The following PRICKLE1 variants were observed in gnomAD, a reference collection of about 807,000 sequenced individuals.
PRICKLE1 encodes prickle-like protein 1.
PRICKLE1 carries 14 observed loss-of-function variants against 70.2 expected under a neutral mutation model. The ratio of observed to expected loss-of-function variants is 0.20; its 90% CI spans 0.13 to 0.31. The LOEUF (loss-of-function observed/expected upper bound fraction) is 0.31, where lower values mean the gene tolerates loss of function less well. PRICKLE1 is among the 10% of genes least tolerant of loss of function. The pLI is 1.00. For synonymous variants in PRICKLE1, 357 were observed against 379.9 expected (o/e 0.94, Z 0.70); for missense variants, 821 against 1,026.2 (o/e 0.80, Z 2.73).
intron 2 of PRICKLE1, among the ~76,000 whole-genome samples, 167 bp from the exon 3 acceptor site, chr12:42,470,526 A>G (rs1938278936): frequency 6.6e-6 from 1 of 152,214 alleles, no homozygotes; most frequent in Non-Finnish European, 1.5e-5. Context: ...GATAACTAGC[A>G]CCCAGCTGCT....
intron 1 of PRICKLE1, chr12:42,484,311 T>C (rs1032499538): frequency 2.6e-5 from 4 of 151,954 alleles, no homozygotes; most frequent in African/African-American, 9.7e-5. Context: ...GCCCAGTGAG[T>C]GAAGCCGCTA....
chr12:42,486,872 G>A (rs1038858461), intron 1 of PRICKLE1, among the ~76,000 whole-genome samples: 2 of 152,200 alleles, frequency 1.3e-5, no homozygotes, highest in Admixed American at 1.3e-4. Context: ...TAATAGAAAT[G>A]AGAGATCAAA....
At chr12:42,507,819 C>T (rs146436516) in intron 1 of PRICKLE1, among the ~76,000 whole-genome samples, 22 of 152,328 alleles carry the variant, frequency 1.4e-4, no homozygotes, top group African/African-American at 4.8e-4. Context: ...ATAAGCTTAT[C>T]TCCAGCTTCA....
At chr12:42,535,188 T>G (rs1939996522) in intron 1 of PRICKLE1, among the ~76,000 whole-genome samples, 1 of 152,080 alleles carries the variant, frequency 6.6e-6, no homozygotes, top group Non-Finnish European at 1.5e-5. Flanking sequence ...AGATACAAAC[T>G]TACAGCTGCT....
At chr12:42,584,519 T>A (rs1940954798) in intron 1 of PRICKLE1, 1 of 152,052 alleles carries the variant, frequency 6.6e-6, no homozygotes, top group African/African-American at 2.4e-5. Context: ...CATTAAGTGG[T>A]GGCTACTTTA....
Position 42,459,317 on chromosome 12 carries a change from G to T in PRICKLE1, c.*492C>A. The T allele has an allele frequency of 1.4e-6, 1 of 702,078 alleles. No individual in the cohort carries two copies. The highest frequency in any genetic ancestry group is 2.6e-6 in the Non-Finnish European group (1 of 384,904). 43.5% of individuals were successfully genotyped at this position (702,078 alleles called of 1,614,324 possible). On this transcript the variant is annotated 3_prime_UTR_variant, in exon 8 of 8. Transcript: ENST00000345127. ...ATACAATGTTTACCTGGCCAAAGAGGGTTCGAGGGGACAAGCTGGCCTCAC... is the reference window on the plus strand; with the variant it reads ...ATACAATGTTTACCTGGCCAAAGAGTGTTCGAGGGGACAAGCTGGCCTCAC...
intron 4 of PRICKLE1, 32 bp from the exon 5 acceptor site, chr12:42,468,861 T>A: frequency 6.3e-7 from 1 of 1,599,482 alleles, no homozygotes; most frequent in African/African-American, 1.3e-5. Context: ...TGTAAAAGGA[T>A]CATTTTTTAA....
intron 1 of PRICKLE1, among the ~76,000 whole-genome samples, chr12:42,567,553 T>G (rs769087906): frequency 1.6e-4 from 25 of 152,066 alleles, no homozygotes; most frequent in Admixed American, 6.6e-5. Flanking sequence ...ATTGGCCAGG[T>G]GCGGTGGCTC....
chr12:42,522,318 G>A (rs151003006), intron 1 of PRICKLE1, among the ~76,000 whole-genome samples: 2 of 151,950 alleles, frequency 1.3e-5, no homozygotes, highest in Non-Finnish European at 2.9e-5. Flanking sequence ...ACCCACACTC[G>A]TCTCAAACTC....
intron 1 of PRICKLE1, among the ~76,000 whole-genome samples, chr12:42,542,968 C>T (rs557326903): frequency 6.6e-6 from 1 of 152,308 alleles, no homozygotes; most frequent in East Asian, 1.9e-4. Context: ...CTCTCACAAA[C>T]AGGATTCATT....
At chr12:42,588,463 T>G (rs1941018959) in intron 1 of PRICKLE1, among the ~76,000 whole-genome samples, 1 of 152,156 alleles carries the variant, frequency 6.6e-6, no homozygotes, top group African/African-American at 2.4e-5. Flanking sequence ...GCATGTTAAC[T>G]CTGCAGGAGA....
At chr12:42,570,752 G>A (rs1446309131) in intron 1 of PRICKLE1, among the ~76,000 whole-genome samples, 2 of 152,072 alleles carry the variant, frequency 1.3e-5, no homozygotes, top group African/African-American at 2.4e-5. Context: ...CCCGGGAGGC[G>A]GAGGTTGCAG....
At chr12:42,497,630 A>G (rs1939231124) in intron 1 of PRICKLE1, among the ~76,000 whole-genome samples, 1 of 152,182 alleles carries the variant, frequency 6.6e-6, no homozygotes, top group Non-Finnish European at 1.5e-5. Flanking sequence ...TTAAAATAGT[A>G]ACATCAAAGG....
chr12:42,479,067 GCCT>G, intron 1 of PRICKLE1, among the ~76,000 whole-genome samples: 1 of 152,296 alleles, frequency 6.6e-6, no homozygotes, highest in East Asian at 1.9e-4. Flanking sequence ...GCCACTATTT[GCCT>G]TCCAAAGATG....
Position 42,472,102 on chromosome 12 carries a change from T to C in PRICKLE1, c.132+283A>G, listed in dbSNP as rs906613857. On this transcript the variant is annotated intron_variant, in intron 2 of 7. Coordinates refer to ENST00000345127, the MANE Select transcript of PRICKLE1 (RefSeq NM_153026.3). ...AAGAGGGATTCATCCGAAATACACATAACCAATGCATATGTAGTACTCTGG... is the reference window on the plus strand; with the variant it reads ...AAGAGGGATTCATCCGAAATACACACAACCAATGCATATGTAGTACTCTGG... Among the ~76,000 whole-genome samples, 14 of 152,280 alleles carry C rather than the reference T, an allele frequency of 9.2e-5. No individual in the cohort carries two copies. The East Asian group carries it at 2.5e-3, about 27-fold the overall frequency.
chr12:42,509,155 C>T (rs769848222), intron 1 of PRICKLE1, among the ~76,000 whole-genome samples: 1 of 152,196 alleles, frequency 6.6e-6, no homozygotes, highest in African/African-American at 2.4e-5. Flanking sequence ...AGCAGCCACA[C>T]AAGGACTTTT....
intron 1 of PRICKLE1, among the ~76,000 whole-genome samples, chr12:42,516,948 C>A (rs1208299603): frequency 6.6e-6 from 1 of 152,150 alleles, no homozygotes; most frequent in Non-Finnish European, 1.5e-5. Flanking sequence ...TTACCTGATT[C>A]TTTTGGTTTT....
At chr12:42,533,261 T>C (rs1566116657) in intron 1 of PRICKLE1, among the ~76,000 whole-genome samples, 1 of 151,992 alleles carries the variant, frequency 6.6e-6, no homozygotes, top group Non-Finnish European at 1.5e-5. Context: ...AAATCTATAT[T>C]ATTGTGAAGT....
chr12:42,588,974 G>A (rs1001392541), intron 1 of PRICKLE1, among the ~76,000 whole-genome samples: 2 of 152,118 alleles, frequency 1.3e-5, no homozygotes, highest in Non-Finnish European at 2.9e-5. Flanking sequence ...AGGGGGTTGG[G>A]GAGAGTGGTG....
Sources: gnomAD v4.1 joint callset for allele counts (sites outside exome capture counted in the v4.1 genomes callset) on GRCh38, gnomAD v4.1.1 for gene constraint, MANE v1.5 for transcripts, NCBI Gene and HGNC (gene_info 2026-07-23, HGNC 2026-07-21) for gene names.